The following PAK2 variants were observed in gnomAD, a reference collection of about 807,000 sequenced individuals.
The protein encoded by PAK2 is p21 (RAC1) activated kinase 2, also known as serine/threonine-protein kinase PAK 2.
PAK2 carries 21 observed loss-of-function variants against 65.9 expected under a neutral mutation model. That is an observed-to-expected ratio of 0.32 (90% CI 0.23 to 0.46). The LOEUF is 0.46. Ranked by LOEUF, PAK2 falls within the 20% of genes least tolerant of loss-of-function variation. The pLI is 1.00. For missense variants in PAK2, 324 were observed against 642.6 expected, an observed-to-expected ratio of 0.50 and a Z score of 5.36; for synonymous variants, 204 against 219.7, an observed-to-expected ratio of 0.93 and a Z score of 0.63.
At chr3:196,792,752 G>A (rs1715112976) in intron 2 of PAK2, among the ~76,000 whole-genome samples, 1 of 151,848 alleles carries the variant, frequency 6.6e-6, no homozygotes, top group South Asian at 2.1e-4. Context: ...ACCACATACA[G>A]AAGCATTCTA....
At chr3:196,801,369 T>C (rs975740568) in intron 2 of PAK2, among the ~76,000 whole-genome samples, 28 of 152,162 alleles carry the variant, frequency 1.8e-4, no homozygotes, top group African/African-American at 6.5e-4. Flanking sequence ...CGTTGGTCAC[T>C]CCATGTGCCT....
chr3:196,798,928 T>A (rs1343510439), intron 2 of PAK2, among the ~76,000 whole-genome samples: 1 of 152,132 alleles, frequency 6.6e-6, no homozygotes, highest in Admixed American at 6.5e-5. Context: ...AAACCTACCA[T>A]TGGCATTAAA....
intron 2 of PAK2, among the ~76,000 whole-genome samples, chr3:196,787,688 T>G (rs1714937580): frequency 6.6e-6 from 1 of 152,188 alleles, no homozygotes; most frequent in African/African-American, 2.4e-5. Flanking sequence ...TTGTGTAGCC[T>G]GTTTACAGGG....
intron 13 of PAK2, among the ~76,000 whole-genome samples, chr3:196,824,813 A>T (rs1322938191): frequency 6.9e-6 from 1 of 144,912 alleles, no homozygotes; most frequent in African/African-American, 2.5e-5. Context: ...AGAATGCATT[A>T]AAAAAAAAAA....
chr3:196,787,590 A>AG (rs1714934285), intron 2 of PAK2, among the ~76,000 whole-genome samples: 1 of 152,012 alleles, frequency 6.6e-6, no homozygotes, highest in Non-Finnish European at 1.5e-5. Context: ...GAAAAAAAAA[A>AG]AAAAAAAGAA....
intron 1 of PAK2, among the ~76,000 whole-genome samples, chr3:196,770,780 G>A (rs571270712): frequency 2.0e-5 from 3 of 151,680 alleles, no homozygotes; most frequent in African/African-American, 2.4e-5. Context: ...ATGCCACCAC[G>A]CCCGACTAAT....
chr3:196,764,112 T>C (rs1485260224), intron 1 of PAK2, among the ~76,000 whole-genome samples: 1 of 151,850 alleles, frequency 6.6e-6, no homozygotes, highest in Non-Finnish European at 1.5e-5. Context: ...TGCTGCTGCT[T>C]TTGTATCTTT....
In PAK2 at chr3:196,831,792, C is replaced by T. The variant is rs1435717823; in HGVS notation, c.*3387C>T. 1 of 152,124 alleles carries T rather than the reference C, an allele frequency of 6.6e-6. No homozygotes were observed. The highest frequency in any genetic ancestry group is 2.4e-5 in the African/African-American group (1 of 41,448). The allele number at this position is 152,124 out of a possible 1,614,324, so 9.4% of individuals were successfully genotyped here. A position where few individuals can be genotyped will look rare whatever the true frequency, so the allele number is the denominator to read the frequency against. On this transcript the variant is annotated 3_prime_UTR_variant, in exon 15 of 15. Coordinates refer to ENST00000327134, the MANE Select transcript of PAK2 (RefSeq NM_002577.4). Reference sequence around the variant, plus strand: ...ATCTTTTAAAATATACTGAGATCCACATCTAGTGAAATGTCAGTGTCAAAA... The same window carrying T: ...ATCTTTTAAAATATACTGAGATCCATATCTAGTGAAATGTCAGTGTCAAAA...
intron 2 of PAK2, among the ~76,000 whole-genome samples, chr3:196,796,819 A>G (rs1715272850): frequency 1.3e-5 from 2 of 152,364 alleles, no homozygotes; most frequent in South Asian, 4.1e-4. Context: ...TTAGAGCTAA[A>G]AAATACTATC....
In PAK2 at chr3:196,820,281, C is replaced by A; in HGVS notation, c.1154-90C>A. 1 of 656,216 alleles carries A rather than the reference C, an allele frequency of 1.5e-6. No homozygotes were observed. Among genetic ancestry groups the A allele is most frequent in the Non-Finnish European group, 2.4e-6 (1 of 416,102 alleles). 40.6% of individuals were successfully genotyped at this position (656,216 alleles called of 1,614,324 possible). On this transcript the variant is annotated intron_variant, in intron 12 of 14. Coordinates refer to ENST00000327134, the MANE Select transcript of PAK2 (RefSeq NM_002577.4). The surrounding 1 kb of genome is among the most constrained non-coding windows in gnomAD (Gnocchi z 4.6). ...CTTTAAAAACAAGAGGCCTAATAGT[C>A]AAAATATAATTAATTACATAATCTG...
chr3:196,755,095 T>C (rs1221826342), intron 1 of PAK2, among the ~76,000 whole-genome samples: 1 of 152,186 alleles, frequency 6.6e-6, no homozygotes, highest in Non-Finnish European at 1.5e-5. Context: ...TCATATAAAT[T>C]GTATTGGTGG....
At chr3:196,789,035 C>G (rs1714984786) in intron 2 of PAK2, among the ~76,000 whole-genome samples, 1 of 152,150 alleles carries the variant, frequency 6.6e-6, no homozygotes, top group African/African-American at 2.4e-5. Flanking sequence ...GGGGAAAGAC[C>G]TGGCCATCTC....
rs376525228 is a variant in PAK2 at position 196,828,345 on chromosome 3, G to A, written c.1515G>A (p.Pro505=). The A allele has an allele frequency of 4.1e-5, 66 of 1,609,836 alleles. No homozygotes were observed. The highest frequency in any genetic ancestry group is 5.2e-5 in the Non-Finnish European group (61 of 1,177,362). ...LQHPFLKLAK[P]LSSLTPLIMA... ...ATCCTTTCCTGAAACTGGCCAAACCGTTATCTAGCTTGACACCACTGATCA... is the reference window on the plus strand; with the variant it reads ...ATCCTTTCCTGAAACTGGCCAAACCATTATCTAGCTTGACACCACTGATCA... The change falls in exon 15 of 15, where the codon CCG becomes CCA. Residue 505 remains proline, a synonymous_variant. Coordinates refer to ENST00000327134, the MANE Select transcript of PAK2 (RefSeq NM_002577.4).
intron 1 of PAK2, among the ~76,000 whole-genome samples, chr3:196,759,745 T>G (rs1713901428): frequency 6.6e-6 from 1 of 151,972 alleles, no homozygotes; most frequent in Admixed American, 6.6e-5. Flanking sequence ...CAGGCTGGTC[T>G]TGAACTCCTG....
intron 1 of PAK2, among the ~76,000 whole-genome samples, chr3:196,771,677 G>A (rs573346748): frequency 2.0e-5 from 3 of 152,242 alleles, no homozygotes; most frequent in Non-Finnish European, 2.9e-5. Context: ...TTCCGCCTCA[G>A]CCTCCTGAGT....
intron 5 of PAK2, among the ~76,000 whole-genome samples, chr3:196,805,931 A>G (rs1165432782): frequency 6.7e-6 from 1 of 148,614 alleles, no homozygotes; most frequent in East Asian, 2.0e-4. Context: ...ATTTTTTTTG[A>G]GTTAGAGTCT....
intron 1 of PAK2, among the ~76,000 whole-genome samples, chr3:196,777,393 G>A (rs916365339): frequency 1.3e-5 from 2 of 151,990 alleles, no homozygotes; most frequent in Non-Finnish European, 2.9e-5. Context: ...TAGTATAGAC[G>A]GGGTTTCAGC....
chr3:196,824,599 T>C (rs1366166506), intron 13 of PAK2, among the ~76,000 whole-genome samples: 1 of 152,002 alleles, frequency 6.6e-6, no homozygotes, highest in Non-Finnish European at 1.5e-5. Flanking sequence ...AGAGGATGAG[T>C]AGGTGAAGCA....
rs114037871 is a variant in PAK2, at chr3:196,768,812, C to T, written c.-21-13814C>T. Among the ~76,000 whole-genome samples the T allele has an allele frequency of 9.5e-3, 1,445 of 151,872 alleles. 38 individuals carry two copies. Among genetic ancestry groups the T allele is most frequent in the African/African-American group, 0.033 (1,367 of 41,292 alleles). ...TCTTGAGTAACTGGGATTACAGACGCGTCTCATCATGCCCAGCTAATTTTT... is the reference window on the plus strand; with the variant it reads ...TCTTGAGTAACTGGGATTACAGACGTGTCTCATCATGCCCAGCTAATTTTT... On this transcript the variant is annotated intron_variant, in intron 1 of 14. Coordinates refer to ENST00000327134, the MANE Select transcript of PAK2 (RefSeq NM_002577.4).
Sources: gnomAD v4.1 joint callset for allele counts (sites outside exome capture counted in the v4.1 genomes callset) on GRCh38, gnomAD v4.1.1 for gene constraint, Gnocchi (gnomAD v3.1) non-coding constraint, MANE v1.5 for transcripts, NCBI Gene and HGNC (gene_info 2026-07-23, HGNC 2026-07-21) for gene names.